SS18L1: variants seen among roughly 807,000 people sequenced by gnomAD.
SS18L1 encodes the protein calcium-responsive transactivator.
SS18L1 carries 32 observed loss-of-function variants against 70.3 expected under a neutral mutation model. The observed-to-expected ratio is 0.46, with a 90% CI of 0.34 to 0.61. The LOEUF is 0.61. Among genes scored for constraint, SS18L1 ranks in the 20% least tolerant of loss-of-function variants. The probability of loss-of-function intolerance (pLI) is 0.01; values close to 1 mark genes in which losing one functional copy is unlikely to be tolerated. For synonymous variants in SS18L1, 237 were observed against 229.7 expected (o/e 1.03, Z -0.29); for missense variants, 430 against 542.1 (o/e 0.79, Z 2.05).
chr20:62,179,662 A>G lies in SS18L1; in HGVS notation c.*454A>G, dbSNP rs1230368950. 1 of 150,304 alleles carries G rather than the reference A, an allele frequency of 6.7e-6. No individual in the cohort carries two copies. Among genetic ancestry groups the G allele is most frequent in the African/African-American group, 2.6e-5 (1 of 38,832 alleles). The allele number at this position is 150,304 out of a possible 1,614,324, so 9.3% of individuals were successfully genotyped here. A position where few individuals can be genotyped will look rare whatever the true frequency, so the allele number is the denominator to read the frequency against. The stretch of plus-strand genomic sequence containing the variant: ...CAACTTTTCTTTAACTGGCTACGCC[A>G]CAGCTGGACACACATGCAGCCCCTG... On this transcript the variant is annotated 3_prime_UTR_variant, in exon 11 of 11. Coordinates refer to ENST00000331758, the MANE Select transcript of SS18L1 (RefSeq NM_198935.3).
At chr20:62,177,858 A>G (rs1178999731) in intron 10 of SS18L1, among the ~76,000 whole-genome samples, 1 of 150,992 alleles carries the variant, frequency 6.6e-6, no homozygotes, top group Non-Finnish European at 1.5e-5. Context: ...AGTAGCTGGG[A>G]TTACAAGCAC....
At chr20:62,167,034 G>GTTTTTT (rs1235961398) in intron 8 of SS18L1, among the ~76,000 whole-genome samples, 2 of 123,494 alleles carry the variant, frequency 1.6e-5, no homozygotes, top group East Asian at 5.2e-4. Flanking sequence ...GAGCTCAGGA[G>GTTTTTT]TTTGTTTGTT....
rs2145784013 is a variant in SS18L1, at chr20:62,174,201, C to T, written c.1037-316C>T. Among the ~76,000 whole-genome samples the T allele has an allele frequency of 1.3e-5, 2 of 152,130 alleles. No individual in the cohort carries two copies. Among genetic ancestry groups the T allele is most frequent in the South Asian group, 4.2e-4 (2 of 4,818 alleles). ...GGGTTCTGGAGGGCTGTCCTGCCTT[C>T]AGGTAGCAGCAGTTCTGGGGTGATG... On this transcript the variant is annotated intron_variant, in intron 9 of 10. Transcript: ENST00000331758. The surrounding 1 kb of genome is among the most constrained non-coding windows in gnomAD (Gnocchi z 4.1).
At position 62,157,876 on chromosome 20, in the gene SS18L1, C is replaced by CTGTGTGTGTG. The variant is rs147250445; in HGVS notation, c.70-791_70-782dup. On this transcript the variant is annotated intron_variant, in intron 1 of 10. Transcript: ENST00000331758. ...GCATCTTTTCTGCCCCCACGCCGGC[C>CTGTGTGTGTG]TGTGTGTGTGTGTGGTTTCTTCTAC... Among the ~76,000 whole-genome samples, 25 of 151,830 alleles carry CTGTGTGTGTG rather than the reference C, an allele frequency of 1.6e-4. No individual in the cohort carries two copies. The East Asian group carries it at 1.7e-3, about 11-fold the overall frequency.
intron 8 of SS18L1, among the ~76,000 whole-genome samples, chr20:62,168,568 C>A (rs1026298370): frequency 1.3e-5 from 2 of 152,128 alleles, no homozygotes; most frequent in Non-Finnish European, 2.9e-5. Flanking sequence ...CACCTGTGAT[C>A]CCAGCATTGT....
At chr20:62,178,825 T>C (rs2057665276) in intron 10 of SS18L1, among the ~76,000 whole-genome samples, 1 of 152,210 alleles carries the variant, frequency 6.6e-6, no homozygotes, top group African/African-American at 2.4e-5. Flanking sequence ...CCCATTTTCT[T>C]ACTGTAGCAG....
At position 62,179,083 on chromosome 20, in the gene SS18L1, G is replaced by A. The variant is rs894482344; in HGVS notation, c.1165-99G>A. 32 of 1,322,758 alleles carry A rather than the reference G, an allele frequency of 2.4e-5. No individual in the cohort carries two copies. The Middle Eastern group carries it at 5.5e-4, about 23-fold the overall frequency. 81.9% of individuals were successfully genotyped at this position (1,322,758 alleles called of 1,614,324 possible). ...AGATGTGAGCAGAGGTTGTTTGCTT[G>A]CTGTTGTCCCTCCTACCCCCTGTCC... is the stretch of plus-strand genomic sequence containing the variant. On this transcript the variant is annotated intron_variant, in intron 10 of 10. Coordinates refer to ENST00000331758, the MANE Select transcript of SS18L1 (RefSeq NM_198935.3).
intron 4 of SS18L1, among the ~76,000 whole-genome samples, chr20:62,162,220 C>G (rs117676568): frequency 2.0e-5 from 3 of 152,178 alleles, no homozygotes; most frequent in Non-Finnish European, 4.4e-5. Context: ...AGAGCCAGAC[C>G]CTGTCTCAGA....
intron 1 of SS18L1, among the ~76,000 whole-genome samples, chr20:62,147,109 A>G (rs2145687431): frequency 6.6e-6 from 1 of 152,278 alleles, no homozygotes; most frequent in East Asian, 1.9e-4. Flanking sequence ...TATCCCAGAG[A>G]AAGAGAACCA....
intron 1 of SS18L1, chr20:62,154,388 T>G: frequency 9.5e-7 from 1 of 1,049,364 alleles, no homozygotes; most frequent in Non-Finnish European, 1.2e-6. Flanking sequence ...CACGCCTGGT[T>G]GCGGTTTCGG....
intron 6 of SS18L1, among the ~76,000 whole-genome samples, chr20:62,163,884 G>T (rs1049287494): frequency 6.6e-6 from 1 of 152,154 alleles, no homozygotes; most frequent in African/African-American, 2.4e-5. Flanking sequence ...CACAGGCCGG[G>T]CTCATGCCTG....
intron 1 of SS18L1, among the ~76,000 whole-genome samples, chr20:62,153,042 A>G (rs549727647): frequency 1.3e-5 from 2 of 152,090 alleles, no homozygotes; most frequent in African/African-American, 2.4e-5. Flanking sequence ...GGCTTAATTA[A>G]CTCACAGTTC....
chr20:62,149,887 G>A (rs2427260), intron 1 of SS18L1, among the ~76,000 whole-genome samples: 15,141 of 152,160 alleles, frequency 0.1, 2,305 homozygotes, highest in African/African-American at 0.32. Flanking sequence ...GCATACAGAC[G>A]TCGCGTGTTG....
intron 8 of SS18L1, among the ~76,000 whole-genome samples, chr20:62,166,795 T>G (rs973026779): frequency 6.6e-6 from 1 of 151,202 alleles, no homozygotes; most frequent in African/African-American, 2.4e-5. Flanking sequence ...CGTGGTGGCA[T>G]GTGCCTGTAA....
chr20:62,164,073 C>G (rs1470638839), intron 6 of SS18L1, 72 bp from the exon 7 acceptor site: 2 of 1,417,192 alleles, frequency 1.4e-6, no homozygotes, highest in African/African-American at 1.4e-5. Context: ...CTTGGCTTCC[C>G]CAGTGAGCGA....
In SS18L1 at chr20:62,174,450, A is replaced by G. The variant is rs2057584984; in HGVS notation, c.1037-67A>G. The G allele has an allele frequency of 1.3e-6, 2 of 1,545,198 alleles. No homozygotes were observed. Among genetic ancestry groups the G allele is most frequent in the Admixed American group, 4.4e-5 (2 of 45,784 alleles). On this transcript the variant is annotated intron_variant, in intron 9 of 10. Transcript: ENST00000331758. This position sits in a 1 kb window ranked among gnomAD's most constrained non-coding sequence, Gnocchi z 4.1. ...AGAGGAAGTTTTAAAAAAAATTTTTAAGTTAAGAAAAAAAAAGAAAGAGGT... is the reference window on the plus strand; with the variant it reads ...AGAGGAAGTTTTAAAAAAAATTTTTGAGTTAAGAAAAAAAAAGAAAGAGGT...
At chr20:62,165,805 G>A (rs896243738) in intron 8 of SS18L1, among the ~76,000 whole-genome samples, 24 of 151,564 alleles carry the variant, frequency 1.6e-4, no homozygotes, top group African/African-American at 4.8e-4. Context: ...TGGGGCCTGC[G>A]ACAGGAAGGA....
In SS18L1 at chr20:62,181,820, G is replaced by A; in HGVS notation, c.*2612G>A. The A allele has an allele frequency of 4.4e-6, 1 of 227,660 alleles. No individual in the cohort carries two copies. 14.1% of individuals were successfully genotyped at this position (227,660 alleles called of 1,614,324 possible). On this transcript the variant is annotated 3_prime_UTR_variant, in exon 11 of 11. Coordinates refer to ENST00000331758, the MANE Select transcript of SS18L1 (RefSeq NM_198935.3). ...TAGGCCAACATGAATTGTTTGTGAA[G>A]TGTGGTTGATGGTGCTTTGTTTTTT...
chr20:62,144,320 C>T (rs1163369808), intron 1 of SS18L1, among the ~76,000 whole-genome samples: 5 of 152,172 alleles, frequency 3.3e-5, no homozygotes, highest in African/African-American at 1.2e-4. Context: ...GCTTCGGTGG[C>T]GACGGCGGGC....
Sources: gnomAD v4.1 joint callset for allele counts (sites outside exome capture counted in the v4.1 genomes callset) on GRCh38, gnomAD v4.1.1 for gene constraint, Gnocchi (gnomAD v3.1) non-coding constraint, MANE v1.5 for transcripts, NCBI Gene and HGNC (gene_info 2026-07-23, HGNC 2026-07-21) for gene names.